COL24A1: variants seen among roughly 807,000 people sequenced by gnomAD.
COL24A1 encodes collagen alpha-1(XXIV) chain.
A neutral mutation model predicts 253.9 loss-of-function variants in COL24A1; 224 were observed. The ratio of observed to expected loss-of-function variants is 0.88; its 90% confidence interval spans 0.79 to 0.99. The LOEUF (loss-of-function observed/expected upper bound fraction) is 0.99, where lower values mean the gene tolerates loss of function less well. COL24A1 is among the 50% of genes least tolerant of loss of function. The pLI is 0.00. For synonymous variants in COL24A1, 685 were observed against 673.7 expected (o/e 1.02, Z -0.26); for missense variants, 2,131 against 2,068.5 (o/e 1.03, Z -0.59).
chr1:86,085,891 C>A (rs184795217), intron 7 of COL24A1, among the ~76,000 whole-genome samples: 3 of 152,058 alleles, frequency 2.0e-5, no homozygotes, highest in African/African-American at 7.2e-5. Context: ...AAGAAGCAAA[C>A]CAAAAAATCT....
In COL24A1 at chr1:85,800,214, C is replaced by T. The variant is rs138865197; in HGVS notation, c.3952-13753G>A. On this transcript the variant is annotated intron_variant, in intron 47 of 59. Coordinates refer to ENST00000370571, the MANE Select transcript of COL24A1 (RefSeq NM_152890.7). ...GAGCATTTAAATGTCAGGATTCTCA[C>T]ATTTAAAAATAACTTTCTACTTTAA... Among the ~76,000 whole-genome samples the T allele has an allele frequency of 3.0e-3, 456 of 152,264 alleles. 2 individuals are homozygous for T. Among genetic ancestry groups the T allele is most frequent in the South Asian group, 3.9e-3 (19 of 4,820 alleles).
At chr1:86,004,940 T>C (rs615805) in intron 19 of COL24A1, among the ~76,000 whole-genome samples, 27,675 of 152,140 alleles carry the variant, frequency 0.18, 3,205 homozygotes, top group African/African-American at 0.32. Context: ...GGAAGGAATA[T>C]ATGTGAAACT....
intron 28 of COL24A1, among the ~76,000 whole-genome samples, chr1:85,901,847 A>AAAAAAAT (rs1341094476): frequency 6.8e-6 from 1 of 148,066 alleles, no homozygotes; most frequent in Non-Finnish European, 1.5e-5. Context: ...AAAAAAAAAA[A>AAAAAAAT]AAGAACTACC....
At chr1:85,939,168 G>C (rs192547226) in intron 24 of COL24A1, among the ~76,000 whole-genome samples, 15 of 152,142 alleles carry the variant, frequency 9.9e-5, no homozygotes, top group Admixed American at 7.2e-4. Flanking sequence ...TACATAAAAC[G>C]TATCTACCGT....
chr1:86,082,099 T>C (rs1318330562), intron 7 of COL24A1, among the ~76,000 whole-genome samples: 1 of 150,244 alleles, frequency 6.7e-6, no homozygotes, highest in Non-Finnish European at 1.5e-5. Context: ...TTTCACAAAC[T>C]TTTAGGTTTC....
At chr1:85,838,543 C>A (rs771862779) in intron 43 of COL24A1, 42 bp downstream of exon 43, 13 of 1,539,012 alleles carry the variant, frequency 8.4e-6, no homozygotes, top group Middle Eastern at 1.7e-4. Context: ...ACACAGAGAA[C>A]CCTATTTAAA....
intron 37 of COL24A1, among the ~76,000 whole-genome samples, chr1:85,854,749 G>A (rs1313304672): frequency 6.6e-6 from 1 of 151,012 alleles, no homozygotes; most frequent in African/African-American, 2.4e-5. Context: ...TCTGTCACCA[G>A]GCTGGAGTGT....
intron 31 of COL24A1, among the ~76,000 whole-genome samples, chr1:85,891,887 G>A (rs1250638373): frequency 4.6e-5 from 7 of 152,198 alleles, no homozygotes; most frequent in Admixed American, 1.3e-4. Context: ...GGATAAAGAG[G>A]AAAAGCACAA....
chr1:85,945,017 T>TTTTTGTTTG (rs1689165446), intron 24 of COL24A1, among the ~76,000 whole-genome samples: 3 of 92,742 alleles, frequency 3.2e-5, no homozygotes, highest in Non-Finnish European at 6.5e-5. Flanking sequence ...TTTTTTTTTT[T>TTTTTGTTTG]TTTTTTTTTT....
chr1:85,925,937 T>A (rs928572807), intron 24 of COL24A1, among the ~76,000 whole-genome samples: 2 of 152,114 alleles, frequency 1.3e-5, no homozygotes, highest in Non-Finnish European at 2.9e-5. Flanking sequence ...GACAAAGGGC[T>A]AATATCCAGA....
chr1:85,735,652 A>G (rs1275643710), intron 58 of COL24A1, among the ~76,000 whole-genome samples: 3 of 152,104 alleles, frequency 2.0e-5, no homozygotes, highest in African/African-American at 7.2e-5. Flanking sequence ...ACTAATATAT[A>G]TATTAGTTAA....
chr1:85,762,673 T>C (rs1666957231), intron 53 of COL24A1, among the ~76,000 whole-genome samples: 1 of 152,176 alleles, frequency 6.6e-6, no homozygotes. Flanking sequence ...CTTTTAAATA[T>C]ACAGAAGCTC....
At chr1:85,831,619 T>A (rs141946728) in intron 43 of COL24A1, among the ~76,000 whole-genome samples, 1 of 152,208 alleles carries the variant, frequency 6.6e-6, no homozygotes, top group African/African-American at 2.4e-5. Context: ...GTGATGGAAC[T>A]TGTCAGATAA....
intron 20 of COL24A1, among the ~76,000 whole-genome samples, chr1:85,975,082 A>T (rs1692530433): frequency 6.6e-6 from 1 of 152,216 alleles, no homozygotes; most frequent in Non-Finnish European, 1.5e-5. Flanking sequence ...ATAAGATATC[A>T]TCTCATTAGA....
intron 19 of COL24A1, among the ~76,000 whole-genome samples, chr1:85,997,080 T>C (rs1484722309): frequency 6.9e-5 from 9 of 131,024 alleles, no homozygotes; most frequent in African/African-American, 8.5e-5. Flanking sequence ...TATATATATA[T>C]ACCAGTTAGT....
At chr1:85,828,456 G>A (rs1383105158) in intron 43 of COL24A1, among the ~76,000 whole-genome samples, 9 of 151,348 alleles carry the variant, frequency 5.9e-5, no homozygotes. Flanking sequence ...GTGCAGAGCT[G>A]AGTTGAATTC....
At chr1:86,032,992 A>T (rs1571678774) in intron 13 of COL24A1, among the ~76,000 whole-genome samples, 1 of 152,132 alleles carries the variant, frequency 6.6e-6, no homozygotes, top group Non-Finnish European at 1.5e-5. Context: ...AATCATATGC[A>T]AGAAAAATGG....
chr1:85,744,793 T>C lies in COL24A1; in HGVS notation c.4545A>G (p.Glu1515=). 1.2e-6 allele frequency: 2 copies of C among 1,610,986 alleles called. No individual in the cohort carries two copies. Among genetic ancestry groups the C allele is most frequent in the Non-Finnish European group, 1.7e-6 (2 of 1,178,954 alleles). The change falls in exon 57 of 60, where the codon GAA becomes GAG. Residue 1515 remains glutamate, a synonymous_variant. Coordinates refer to ENST00000370571, the MANE Select transcript of COL24A1 (RefSeq NM_152890.7). ...NTEVTLIDHS[E]EIFKTLNYLS... ...GGTAGTTCAGGGTTTTGAATATCTCTTCACTGTGGTCAATTAAAGTCACTT... is the reference window on the plus strand; with the variant it reads ...GGTAGTTCAGGGTTTTGAATATCTCCTCACTGTGGTCAATTAAAGTCACTT...
At chr1:85,846,051 G>A (rs1465287713) in intron 39 of COL24A1, among the ~76,000 whole-genome samples, 1 of 151,774 alleles carries the variant, frequency 6.6e-6, no homozygotes, top group Non-Finnish European at 1.5e-5. Context: ...ACTAGATTCA[G>A]AGAATAAAGT....
Sources: allele counts gnomAD v4.1 joint callset (sites outside exome capture counted in the v4.1 genomes callset), GRCh38; gene constraint gnomAD v4.1.1; transcripts MANE v1.5; gene names NCBI Gene and HGNC (gene_info 2026-07-23, HGNC 2026-07-21).